Variants in PSEN1 observed in about 807,000 individuals in gnomAD.
PSEN1 encodes presenilin-1.
Under a neutral mutation model 53.5 loss-of-function variants are expected in PSEN1, and 15 were observed. The ratio of observed to expected loss-of-function variants is 0.28; its 90% CI spans 0.19 to 0.43. The LOEUF is 0.43. Among genes scored for constraint, PSEN1 ranks in the 20% least tolerant of loss-of-function variants. The pLI is 1.00. For synonymous variants in PSEN1, 208 were observed against 209.8 expected (o/e 0.99, Z 0.08); for missense variants, 387 against 571.2 (o/e 0.68, Z 3.29).
At chr14:73,158,904 T>G (rs908891875) in intron 3 of PSEN1, among the ~76,000 whole-genome samples, 1 of 152,234 alleles carries the variant, frequency 6.6e-6, no homozygotes, top group African/African-American at 2.4e-5. Context: ...TTTTAGCTCT[T>G]ATAAAAAGGT....
intron 5 of PSEN1, among the ~76,000 whole-genome samples, chr14:73,176,954 G>A (rs553188425): frequency 1.9e-4 from 29 of 152,268 alleles, no homozygotes; most frequent in Admixed American, 3.9e-4. Flanking sequence ...TGGAAACTGC[G>A]TATCATGTGG....
At chr14:73,162,510 TTGAG>T in intron 3 of PSEN1, among the ~76,000 whole-genome samples, 1 of 143,566 alleles carries the variant, frequency 7.0e-6, no homozygotes, top group East Asian at 2.1e-4. Flanking sequence ...GAACAAGCGA[TTGAG>T]TGAGAGAGAG....
intron 8 of PSEN1, among the ~76,000 whole-genome samples, chr14:73,204,316 T>A (rs1899359231): frequency 6.6e-6 from 1 of 151,794 alleles, no homozygotes; most frequent in Admixed American, 6.6e-5. Flanking sequence ...TTTTTTTAAT[T>A]TAAACGAAAT....
rs865963681 is a variant in PSEN1 at position 73,150,941 on chromosome 14, G to A, written c.87+2835G>A. On this transcript the variant is annotated intron_variant, in intron 3 of 11. Transcript: ENST00000324501. ...AAATTAGCTGGGCGTGGTGACACGC[G>A]CCTGTAGTCCCAGCTACTTGGGAGG... is the stretch of plus-strand genomic sequence containing the variant. Among the ~76,000 whole-genome samples, 195 of 151,708 alleles carry A rather than the reference G, an allele frequency of 1.3e-3. 1 individual carries two copies. The highest frequency in any genetic ancestry group is 2.1e-4 in the South Asian group (1 of 4,804).
At chr14:73,210,507 C>T (rs1281089086) in intron 9 of PSEN1, among the ~76,000 whole-genome samples, 1 of 152,026 alleles carries the variant, frequency 6.6e-6, no homozygotes, top group Non-Finnish European at 1.5e-5. Context: ...AATGAGCATG[C>T]TACTTATAAT....
chr14:73,208,725 C>T lies in PSEN1; in HGVS notation c.955+2253C>T, dbSNP rs184548493. 9.8e-6 allele frequency: 4 copies of T among 407,564 alleles called. No individual in the cohort carries two copies. The East Asian group carries it at 2.9e-4, about 29-fold the overall frequency. The allele number at this position is 407,564 out of a possible 1,614,324, so 25.2% of individuals were successfully genotyped here. ...AGGCCCAGAAAATGCACCATAAGTT[C>T]TCACTGTGGTCTGTGGAACTGGGAG... On this transcript the variant is annotated intron_variant, in intron 9 of 11. Coordinates refer to ENST00000324501, the MANE Select transcript of PSEN1 (RefSeq NM_000021.4).
intron 5 of PSEN1, among the ~76,000 whole-genome samples, chr14:73,176,664 C>CA (rs1898056781): frequency 3.3e-5 from 5 of 152,176 alleles, no homozygotes; most frequent in Admixed American, 3.3e-4. Flanking sequence ...AAGGTTTTCC[C>CA]AATCTTGGGC....
chr14:73,202,781 T>A (rs1899283973), intron 8 of PSEN1, among the ~76,000 whole-genome samples: 1 of 151,822 alleles, frequency 6.6e-6, no homozygotes, highest in African/African-American at 2.4e-5. Context: ...CTATCATATA[T>A]AATATTTTTA....
intron 1 of PSEN1, among the ~76,000 whole-genome samples, chr14:73,146,714 G>C (rs753522012): frequency 5.3e-5 from 8 of 152,120 alleles, no homozygotes; most frequent in Non-Finnish European, 1.0e-4. Flanking sequence ...AAAAAAAATG[G>C]AATATTTAGA....
At chr14:73,153,271 A>G (rs1407936339) in intron 3 of PSEN1, among the ~76,000 whole-genome samples, 3 of 152,256 alleles carry the variant, frequency 2.0e-5, no homozygotes, top group Non-Finnish European at 4.4e-5. Context: ...CTCCAGAGAA[A>G]CATGCTAGCT....
At chr14:73,142,856 G>A (rs1201962873) in intron 1 of PSEN1, among the ~76,000 whole-genome samples, 4 of 152,198 alleles carry the variant, frequency 2.6e-5, no homozygotes, top group African/African-American at 9.7e-5. Context: ...TTGAGCAAGT[G>A]TCTTGAGATT....
Position 73,197,058 on chromosome 14 carries a change from G to A in PSEN1, c.770-973G>A, listed in dbSNP as rs111557056. Among the ~76,000 whole-genome samples the A allele has an allele frequency of 6.5e-3, 986 of 151,152 alleles. 7 individuals are homozygous for A. The highest frequency in any genetic ancestry group is 0.013 in the African/African-American group (552 of 41,168). On this transcript the variant is annotated intron_variant, in intron 7 of 11. Coordinates refer to ENST00000324501, the MANE Select transcript of PSEN1 (RefSeq NM_000021.4). ...CGCCGTTCTCCTGCCTCAGCCTCCC[G>A]AGTAGCTGGGACTACAGGCACGCGC...
At chr14:73,169,252 C>G (rs990067951) in intron 3 of PSEN1, 5 of 152,284 alleles carry the variant, frequency 3.3e-5, no homozygotes, top group African/African-American at 1.2e-4. Flanking sequence ...TCCTTCTCCT[C>G]TATTCTCTTA....
At chr14:73,209,208 G>C (rs140717635) in intron 9 of PSEN1, among the ~76,000 whole-genome samples, 23 of 152,138 alleles carry the variant, frequency 1.5e-4, no homozygotes, top group Admixed American at 9.8e-4. Context: ...AACTCAGAAG[G>C]GGGCAGGACT....
chr14:73,219,767 G>A lies in PSEN1; in HGVS notation c.*478G>A, dbSNP rs1025084255. 1.2e-5 allele frequency: 2 copies of A among 172,326 alleles called. No homozygotes were observed. The highest frequency in any genetic ancestry group is 1.1e-4 in the Admixed American group (2 of 17,552). The allele number at this position is 172,326 out of a possible 1,614,324, so 10.7% of individuals were successfully genotyped here. ...AACTGAATTCTGAACTTTTCAGGAG[G>A]TACTGTGAGGAAGAGCAGGCACCAG... On this transcript the variant is annotated 3_prime_UTR_variant, in exon 12 of 12. Coordinates refer to ENST00000324501, the MANE Select transcript of PSEN1 (RefSeq NM_000021.4).
At chr14:73,179,935 C>T (rs960642519) in intron 5 of PSEN1, among the ~76,000 whole-genome samples, 2 of 152,142 alleles carry the variant, frequency 1.3e-5, no homozygotes, top group Non-Finnish European at 2.9e-5. Context: ...TGGAACCTTT[C>T]TTAATATATT....
At chr14:73,164,514 A>G (rs1026168250) in intron 3 of PSEN1, among the ~76,000 whole-genome samples, 10 of 152,338 alleles carry the variant, frequency 6.6e-5, no homozygotes, top group Admixed American at 6.5e-5. Flanking sequence ...TCTTTGAAGT[A>G]CTATCCCAGT....
At chr14:73,209,334 G>A (rs12896793) in intron 9 of PSEN1, among the ~76,000 whole-genome samples, 22,589 of 152,274 alleles carry the variant, frequency 0.15, 1,890 homozygotes, top group South Asian at 0.24. Context: ...CTGCCATCAA[G>A]ACCACTAGTA....
At chr14:73,207,173 A>T (rs1013970456) in intron 9 of PSEN1, among the ~76,000 whole-genome samples, 1 of 152,162 alleles carries the variant, frequency 6.6e-6, no homozygotes, top group South Asian at 2.1e-4. Flanking sequence ...ATGAATAATA[A>T]TAATGACTTA....
Sources: gnomAD v4.1 joint callset for allele counts (sites outside exome capture counted in the v4.1 genomes callset) on GRCh38, gnomAD v4.1.1 for gene constraint, MANE v1.5 for transcripts, NCBI Gene and HGNC (gene_info 2026-07-23, HGNC 2026-07-21) for gene names.